The following CAMTA1 variants were observed in gnomAD, a reference collection of about 807,000 sequenced individuals.
CAMTA1 encodes calmodulin-binding transcription activator 1.
CAMTA1 carries 27 observed loss-of-function variants against 170.9 expected under a neutral mutation model. The ratio of observed to expected loss-of-function variants is 0.16; its 90% CI spans 0.12 to 0.22. The LOEUF (loss-of-function observed/expected upper bound fraction) is 0.22, where lower values mean the gene tolerates loss of function less well. Among genes scored for constraint, CAMTA1 ranks in the 10% least tolerant of loss-of-function variants. The pLI, the probability that CAMTA1 is intolerant of heterozygous loss-of-function variation, is 1.00. For synonymous variants in CAMTA1, 833 were observed against 891.5 expected (o/e 0.93, Z 1.17); for missense variants, 1,619 against 2,217.2 (o/e 0.73, Z 5.42).
At chr1:7,655,489 C>G (rs572062263) in intron 7 of CAMTA1, among the ~76,000 whole-genome samples, 1 of 147,074 alleles carries the variant, frequency 6.8e-6, no homozygotes, top group Non-Finnish European at 1.5e-5. Flanking sequence ...AAACACACAC[C>G]TATACAACAC....
intron 6 of CAMTA1, among the ~76,000 whole-genome samples, chr1:7,589,189 C>A (rs951724995): frequency 6.6e-6 from 1 of 152,188 alleles, no homozygotes; most frequent in African/African-American, 2.4e-5. Flanking sequence ...GTGGTCCCTC[C>A]CCTTCCTCCT....
At chr1:7,253,870 G>T (rs769993314) in intron 5 of CAMTA1, among the ~76,000 whole-genome samples, 1 of 152,116 alleles carries the variant, frequency 6.6e-6, no homozygotes, top group Non-Finnish European at 1.5e-5. Flanking sequence ...CTGGGGATTG[G>T]AGGCTTTCTA....
chr1:7,075,461 G>A (rs575733677), intron 3 of CAMTA1, among the ~76,000 whole-genome samples: 1 of 152,178 alleles, frequency 6.6e-6, no homozygotes, highest in African/African-American at 2.4e-5. Context: ...GGACTCACTG[G>A]TTACCACAAA....
At chr1:6,820,398 A>G in intron 2 of CAMTA1, 148 bp downstream of exon 2, 2 of 693,856 alleles carry the variant, frequency 2.9e-6, no homozygotes, top group Non-Finnish European at 4.9e-6. Flanking sequence ...TAGATGAGTT[A>G]CTTAATCCTT....
At chr1:7,200,779 A>G (rs756086143) in intron 4 of CAMTA1, among the ~76,000 whole-genome samples, 7 of 152,176 alleles carry the variant, frequency 4.6e-5, no homozygotes, top group African/African-American at 1.2e-4. Flanking sequence ...AGGTTTCTCT[A>G]CTGGAAAGTA....
intron 1 of CAMTA1, among the ~76,000 whole-genome samples, 162 bp downstream of exon 1, chr1:6,785,737 G>A (rs1204510422): frequency 7.4e-6 from 1 of 134,816 alleles, no homozygotes; most frequent in Non-Finnish European, 1.6e-5. Context: ...GGGTGGGGGG[G>A]CGGAGCGCGG....
Position 7,641,744 on chromosome 1 carries a change from C to T in CAMTA1, c.664+1191C>T, listed in dbSNP as rs992853365. Among the ~76,000 whole-genome samples the T allele has an allele frequency of 9.9e-5, 15 of 152,128 alleles. No homozygotes were observed. The South Asian group carries it at 1.2e-3, about 13-fold the overall frequency. On this transcript the variant is annotated intron_variant, in intron 7 of 22. Coordinates refer to ENST00000303635, the MANE Select transcript of CAMTA1 (RefSeq NM_015215.4). This position sits in a 1 kb window ranked among gnomAD's most constrained non-coding sequence, Gnocchi z 4.5. ...GTGTCGTCCTTTGAGCCAAGTACCC[C>T]GTGGGGAGGTTTGGACCAGGCTTGC...
intron 3 of CAMTA1, among the ~76,000 whole-genome samples, chr1:7,049,473 T>G (rs535186083): frequency 1.3e-5 from 2 of 152,300 alleles, no homozygotes; most frequent in Admixed American, 1.3e-4. Context: ...TTTTTTTGTT[T>G]TGAGATGGAG....
intron 3 of CAMTA1, among the ~76,000 whole-genome samples, chr1:7,031,426 A>G (rs752846797): frequency 2.0e-5 from 3 of 152,170 alleles, no homozygotes; most frequent in African/African-American, 2.4e-5. Flanking sequence ...TAGTGTTGCA[A>G]TGGTATATCT....
intron 6 of CAMTA1, among the ~76,000 whole-genome samples, chr1:7,507,386 AGGCT>A (rs1448792969): frequency 6.6e-6 from 1 of 152,132 alleles, no homozygotes; most frequent in Non-Finnish European, 1.5e-5. Context: ...TGCAGGCTGC[AGGCT>A]GGGGAGGGGG....
intron 3 of CAMTA1, among the ~76,000 whole-genome samples, chr1:7,074,081 G>T (rs1434786002): frequency 1.3e-5 from 2 of 152,176 alleles, no homozygotes; most frequent in African/African-American, 4.8e-5. Flanking sequence ...CTGCCCTGGT[G>T]TTTCTGTGTC....
chr1:7,698,824 C>T (rs557832286), intron 11 of CAMTA1: 1 of 152,356 alleles, frequency 6.6e-6, no homozygotes, highest in South Asian at 2.1e-4. Flanking sequence ...CTTCTGACAT[C>T]TTCTGCCCTG....
At chr1:7,498,378 A>AGT (rs1330712080) in intron 6 of CAMTA1, among the ~76,000 whole-genome samples, 3 of 147,806 alleles carry the variant, frequency 2.0e-5, no homozygotes, top group Non-Finnish European at 3.0e-5. Context: ...TGTGTGTATG[A>AGT]GTGGATGTGT....
At chr1:6,832,107 A>G (rs1650515601) in intron 3 of CAMTA1, among the ~76,000 whole-genome samples, 1 of 150,538 alleles carries the variant, frequency 6.6e-6, no homozygotes. Context: ...TTTTTGAGAC[A>G]GAGTCTCATT....
intron 6 of CAMTA1, among the ~76,000 whole-genome samples, chr1:7,504,728 A>G (rs2094071878): frequency 6.6e-6 from 1 of 152,262 alleles, no homozygotes; most frequent in Admixed American, 6.5e-5. Context: ...CTACCCTAGC[A>G]GTAAAAATGT....
At chr1:7,552,462 A>T (rs1270675750) in intron 6 of CAMTA1, among the ~76,000 whole-genome samples, 1 of 152,190 alleles carries the variant, frequency 6.6e-6, no homozygotes, top group Non-Finnish European at 1.5e-5. Flanking sequence ...TCTGCTTGTG[A>T]AACAGCATTC....
chr1:7,640,495 C>A lies in CAMTA1; in HGVS notation c.606C>A (p.Asp202Glu). 6.2e-7 allele frequency: 1 copy of A among 1,614,222 alleles called. No homozygotes were observed. Among genetic ancestry groups the A allele is most frequent in the Non-Finnish European group, 8.5e-7 (1 of 1,180,034 alleles). ...CGPILCSINT[D>E]KKEWAKWTKE... ...CCATCCTCTGCTCCATCAACACCGA[C>A]AAGAAGGAGTGGGCGAAATGGACGA... Residue 202 changes from aspartate (D) to glutamate (E), a missense_variant, in exon 7 of 23, where the codon GAC (aspartate) becomes GAA (glutamate). Around this residue, in one of 8 missense-constraint regions of CAMTA1, gnomAD observed 97 missense variants for 225.4 expected, o/e 0.43. Transcript: ENST00000303635.
intron 22 of CAMTA1, among the ~76,000 whole-genome samples, chr1:7,765,645 G>C (rs1232959258): frequency 6.6e-6 from 1 of 152,198 alleles, no homozygotes; most frequent in East Asian, 1.9e-4. Context: ...TGAAGGAGTA[G>C]AGTTGTACAG....
rs554894724 is a variant in CAMTA1, at chr1:6,836,560, A to G, written c.234+11350A>G. On this transcript the variant is annotated intron_variant, in intron 3 of 22. Transcript: ENST00000303635. ...CAGCTCTGGGGAATTGGACAAGGTG[A>G]AGCAGAGTCCACATGTGTGTGTATG... Among the ~76,000 whole-genome samples, 265 of 152,234 alleles carry G rather than the reference A, an allele frequency of 1.7e-3. 3 individuals are homozygous for G. The highest frequency in any genetic ancestry group is 3.4e-3 in the Middle Eastern group (1 of 294).
Sources: allele counts gnomAD v4.1 joint callset (sites outside exome capture counted in the v4.1 genomes callset), GRCh38; gene constraint gnomAD v4.1.1; regional missense constraint gnomAD v4.1.1; non-coding constraint Gnocchi (gnomAD v3.1); transcripts MANE v1.5; gene names NCBI Gene and HGNC (gene_info 2026-07-23, HGNC 2026-07-21).